MAP3K20: variants seen among roughly 807,000 people sequenced by gnomAD.
MAP3K20 encodes mitogen-activated protein kinase kinase kinase 20, also known as HCCS-4.
A neutral mutation model predicts 85.7 loss-of-function variants in MAP3K20; 40 were observed. The observed-to-expected ratio is 0.47, with a 90% CI of 0.36 to 0.61. The LOEUF is 0.61. Ranked by LOEUF, MAP3K20 falls within the 20% of genes least tolerant of loss-of-function variation. The pLI is 0.00. For synonymous variants in MAP3K20, 325 were observed against 327.7 expected (o/e 0.99, Z 0.09); for missense variants, 817 against 961.7 (o/e 0.85, Z 1.99).
chr2:173,253,944 G>T (rs768642395), intron 16 of MAP3K20, among the ~76,000 whole-genome samples: 1 of 151,930 alleles, frequency 6.6e-6, no homozygotes, highest in Non-Finnish European at 1.5e-5. Context: ...GGTGACACAC[G>T]CCTGTGGTCC....
chr2:173,131,681 T>A (rs541123517), intron 2 of MAP3K20, among the ~76,000 whole-genome samples: 78 of 151,454 alleles, frequency 5.2e-4, no homozygotes, highest in African/African-American at 1.8e-3. Context: ...CAGAAAATCA[T>A]GTGTAGAAAT....
chr2:173,223,176 G>A, intron 11 of MAP3K20: 1 of 985,398 alleles, frequency 1.0e-6, no homozygotes, highest in South Asian at 4.7e-5. Flanking sequence ...GAAATAACTA[G>A]TAGAAAGTTC....
chr2:173,175,833 G>T (rs995370602), intron 3 of MAP3K20, among the ~76,000 whole-genome samples: 3 of 152,170 alleles, frequency 2.0e-5, no homozygotes, highest in African/African-American at 7.2e-5. Context: ...AGAGTAGACT[G>T]AGAGAATCTT....
At chr2:173,227,455 C>A (rs1684419574) in intron 11 of MAP3K20, among the ~76,000 whole-genome samples, 1 of 152,128 alleles carries the variant, frequency 6.6e-6, no homozygotes, top group Non-Finnish European at 1.5e-5. Context: ...CTCTTATCCC[C>A]CGTCTTGCCA....
In MAP3K20 at chr2:173,245,113, G is replaced by A. The variant is rs1684883416; in HGVS notation, c.1359+5617G>A. On this transcript the variant is annotated intron_variant, in intron 16 of 19. Coordinates refer to ENST00000375213, the MANE Select transcript of MAP3K20 (RefSeq NM_016653.3). ...GTAGCTACATTTTCCCTTTGCATTTGAGAAGGACCACCCACTAACTACCCC... is the reference window on the plus strand; with the variant it reads ...GTAGCTACATTTTCCCTTTGCATTTAAGAAGGACCACCCACTAACTACCCC... 2.6e-5 allele frequency among the ~76,000 whole-genome samples: 4 copies of A among 152,058 alleles called. 1 individual carries two copies. The South Asian group carries it at 8.3e-4, about 32-fold the overall frequency.
intron 1 of MAP3K20, among the ~76,000 whole-genome samples, chr2:173,085,484 G>A (rs1687120003): frequency 6.6e-6 from 1 of 152,102 alleles, no homozygotes; most frequent in Non-Finnish European, 1.5e-5. Context: ...ATAGTTAAAT[G>A]TTTTTGAATT....
chr2:173,225,733 G>T (rs577479587), intron 11 of MAP3K20: 1 of 984,964 alleles, frequency 1.0e-6, no homozygotes, highest in East Asian at 1.1e-4. Context: ...AAAACAAAAT[G>T]TATTTTTAGA....
chr2:173,185,266 G>A (rs13008554), intron 4 of MAP3K20, among the ~76,000 whole-genome samples: 47,259 of 151,998 alleles, frequency 0.31, 9,115 homozygotes, highest in Non-Finnish European at 0.43. Flanking sequence ...GGGAAGGAGA[G>A]AATGGGATTG....
intron 10 of MAP3K20, 186 bp downstream of exon 10, chr2:173,210,021 T>C (rs781635405): frequency 8.4e-6 from 5 of 596,400 alleles, no homozygotes; most frequent in Non-Finnish European, 1.5e-5. Flanking sequence ...CAAGAAATAG[T>C]GTTTCTCCAA....
At chr2:173,108,065 A>G (rs185221035) in intron 2 of MAP3K20, among the ~76,000 whole-genome samples, 1,830 of 152,090 alleles carry the variant, frequency 0.012, 23 homozygotes, top group Middle Eastern at 0.024. Context: ...TTTTAAAAAA[A>G]TTTTCTCACC....
chr2:173,208,989 C>T (rs902412131), intron 9 of MAP3K20, among the ~76,000 whole-genome samples: 1 of 152,154 alleles, frequency 6.6e-6, no homozygotes, highest in Non-Finnish European at 1.5e-5. Flanking sequence ...TGAACAGTAC[C>T]TTACAGTGTC....
intron 19 of MAP3K20, among the ~76,000 whole-genome samples, 198 bp from the exon 20 acceptor site, chr2:173,265,852 T>C (rs991637199): frequency 6.6e-6 from 1 of 152,164 alleles, no homozygotes; most frequent in African/African-American, 2.4e-5. Context: ...ACATAGCATA[T>C]ATTGAATAAG....
intron 9 of MAP3K20, among the ~76,000 whole-genome samples, chr2:173,207,842 A>G (rs1463253088): frequency 6.6e-6 from 1 of 152,132 alleles, no homozygotes; most frequent in Non-Finnish European, 1.5e-5. Context: ...GAATACTCAT[A>G]GAATATTATT....
intron 16 of MAP3K20, among the ~76,000 whole-genome samples, chr2:173,251,783 G>A (rs1229327845): frequency 2.0e-5 from 3 of 152,114 alleles, no homozygotes; most frequent in Non-Finnish European, 2.9e-5. Flanking sequence ...TTTATTATAT[G>A]CAAATTATAC....
At chr2:173,099,764 G>T (rs1451206794) in intron 2 of MAP3K20, among the ~76,000 whole-genome samples, 1 of 152,126 alleles carries the variant, frequency 6.6e-6, no homozygotes, top group Non-Finnish European at 1.5e-5. Context: ...GGTTAAAACT[G>T]CCTGTGACTC....
At chr2:173,224,352 AC>A (rs1684329848) in intron 11 of MAP3K20, 1 of 985,306 alleles carries the variant, frequency 1.0e-6, no homozygotes, top group South Asian at 4.7e-5. Context: ...GAACATATGA[AC>A]TGAATGAAAT....
chr2:173,250,650 T>C (rs1685020633), intron 16 of MAP3K20, among the ~76,000 whole-genome samples: 1 of 152,224 alleles, frequency 6.6e-6, no homozygotes, highest in Non-Finnish European at 1.5e-5. Flanking sequence ...GGTGCTGAAT[T>C]ATGTATGATT....
intron 2 of MAP3K20, among the ~76,000 whole-genome samples, chr2:173,165,965 C>T (rs74919506): frequency 0.022 from 3,299 of 152,264 alleles, 61 homozygotes; most frequent in South Asian, 0.047. Flanking sequence ...CATGAGTCCC[C>T]GTGCCTGGCC....
In MAP3K20 at chr2:173,086,546, C is replaced by T. The variant is rs1226912763; in HGVS notation, c.-34-4452C>T. On this transcript the variant is annotated intron_variant, in intron 1 of 19. Transcript: ENST00000375213. ...TTAATTTTTTATGGTTTCAATAAAA[C>T]ATTCAAGTAATTGGATAGTTCCATT... is the stretch of plus-strand genomic sequence containing the variant. 2.0e-5 allele frequency among the ~76,000 whole-genome samples: 3 copies of T among 152,180 alleles called. No individual in the cohort carries two copies. In the East Asian group the frequency reaches 5.8e-4, roughly 29 times the overall value.
Sources: gnomAD v4.1 joint callset for allele counts (sites outside exome capture counted in the v4.1 genomes callset) on GRCh38, gnomAD v4.1.1 for gene constraint, MANE v1.5 for transcripts, NCBI Gene and HGNC (gene_info 2026-07-23, HGNC 2026-07-21) for gene names.